The following KREMEN1 variants were observed in gnomAD, a reference collection of about 807,000 sequenced individuals.
KREMEN1 encodes kremen protein 1.
KREMEN1 carries 30 observed loss-of-function variants against 46.5 expected under a neutral mutation model. That is an observed-to-expected ratio of 0.65 (90% CI 0.48 to 0.88). The LOEUF is 0.88. KREMEN1 is among the 40% of genes least tolerant of loss of function. The probability of loss-of-function intolerance (pLI) is 0.00; values close to 1 mark genes in which losing one functional copy is unlikely to be tolerated. For synonymous variants in KREMEN1, 214 were observed against 230.6 expected (o/e 0.93, Z 0.65); for missense variants, 533 against 596.9 (o/e 0.89, Z 1.11).
At chr22:29,156,555 CCGCACAGGAA>C (rs2038963702) in intron 9 of KREMEN1, among the ~76,000 whole-genome samples, 2 of 1,356 alleles carry the variant, frequency 1.5e-3, no homozygotes, top group East Asian at 0.1. Flanking sequence ...GGAATGCTCT[CCGCACAGGAA>C]TGCTCTCCGC....
downstream of KREMEN1, among the ~76,000 whole-genome samples, chr22:29,150,731 G>A (rs1293893288): frequency 6.6e-6 from 1 of 152,210 alleles, no homozygotes; most frequent in Non-Finnish European, 1.5e-5. Flanking sequence ...TGAGTGAGCT[G>A]AGGAAAGCAC....
At chr22:29,109,199 TG>T (rs1274592742) in intron 3 of KREMEN1, among the ~76,000 whole-genome samples, 1 of 152,206 alleles carries the variant, frequency 6.6e-6, no homozygotes. Flanking sequence ...CTGAACCAAA[TG>T]GATATCAGTT....
intron 1 of KREMEN1, among the ~76,000 whole-genome samples, chr22:29,089,637 C>G (rs2037778843): frequency 6.6e-6 from 1 of 152,170 alleles, no homozygotes; most frequent in South Asian, 2.1e-4. Flanking sequence ...TGTCATTCCC[C>G]TGCTCTAAAC....
chr22:29,114,539 T>C (rs1394457149), intron 3 of KREMEN1, among the ~76,000 whole-genome samples: 1 of 144,842 alleles, frequency 6.9e-6, no homozygotes, highest in Non-Finnish European at 1.5e-5. Context: ...TACATCTCCC[T>C]CTGCCATGTG....
chr22:29,112,613 GTAAT>G (rs2038170375), intron 3 of KREMEN1, among the ~76,000 whole-genome samples: 1 of 152,090 alleles, frequency 6.6e-6, no homozygotes, highest in South Asian at 2.1e-4. Flanking sequence ...CTGAATATTT[GTAAT>G]TAATTTTCAC....
intron 3 of KREMEN1, among the ~76,000 whole-genome samples, chr22:29,109,454 G>T (rs1442155499): frequency 1.3e-5 from 2 of 152,216 alleles, no homozygotes; most frequent in Non-Finnish European, 2.9e-5. Flanking sequence ...GAGGTAGAGT[G>T]TTGTGAGTTT....
intron 3 of KREMEN1, among the ~76,000 whole-genome samples, chr22:29,117,170 CGCACAT>C (rs2038253582): frequency 1.3e-5 from 2 of 152,076 alleles, no homozygotes; most frequent in South Asian, 4.2e-4. Flanking sequence ...TGTGTACATG[CGCACAT>C]ACACATGAAT....
At chr22:29,165,494 C>T (rs1350299097) in intron 9 of KREMEN1, among the ~76,000 whole-genome samples, 3 of 152,130 alleles carry the variant, frequency 2.0e-5, no homozygotes, top group African/African-American at 2.4e-5. Flanking sequence ...GGGAGGTGAC[C>T]GTACCAGGGC....
intron 9 of KREMEN1, among the ~76,000 whole-genome samples, chr22:29,157,911 GCCT>G (rs2038977582): frequency 6.6e-6 from 1 of 152,192 alleles, no homozygotes; most frequent in African/African-American, 2.4e-5. Flanking sequence ...GAGGGACATG[GCCT>G]AGGAGTCCTG....
chr22:29,087,809 C>T (rs1372179915), intron 1 of KREMEN1, among the ~76,000 whole-genome samples: 2 of 152,176 alleles, frequency 1.3e-5, no homozygotes, highest in Non-Finnish European at 2.9e-5. Context: ...AGGTGATCCG[C>T]ACACCTTGGC....
chr22:29,091,037 G>A (rs960161162), intron 1 of KREMEN1, among the ~76,000 whole-genome samples: 3 of 152,178 alleles, frequency 2.0e-5, no homozygotes, highest in Non-Finnish European at 4.4e-5. Context: ...GCAAAGGCAC[G>A]ATCTCGGCTC....
Position 29,137,490 on chromosome 22 carries a change from A to G in KREMEN1, c.780A>G (p.Leu260=), listed in dbSNP as rs1178463622. 7.5e-6 allele frequency: 12 copies of G among 1,609,376 alleles called. No homozygotes were observed. The highest frequency in any genetic ancestry group is 1.1e-5 in the South Asian group (1 of 90,952). ...GASHIHFSFP[L]FDIRDSADMV... Reference sequence around the variant, plus strand: ...CCCACATCCACTTCAGCTTCCCCCTATTTGACATCAGGGACTCGGCGGACA... The same window carrying G: ...CCCACATCCACTTCAGCTTCCCCCTGTTTGACATCAGGGACTCGGCGGACA... Residue 260 remains leucine, a synonymous_variant, in exon 6 of 9, where the codon CTA becomes CTG. Transcript: ENST00000400335.
At chr22:29,083,054 G>T (rs2037680124) in intron 1 of KREMEN1, among the ~76,000 whole-genome samples, 1 of 152,104 alleles carries the variant, frequency 6.6e-6, no homozygotes, top group Non-Finnish European at 1.5e-5. Context: ...GGAGGTACCT[G>T]CCGCCACGCC....
At chr22:29,087,043 A>G (rs2037741281) in intron 1 of KREMEN1, among the ~76,000 whole-genome samples, 1 of 152,212 alleles carries the variant, frequency 6.6e-6, no homozygotes, top group African/African-American at 2.4e-5. Flanking sequence ...GATTACAGGC[A>G]TGAGCCATAC....
At chr22:29,148,058 G>A (rs114822317), downstream of KREMEN1, among the ~76,000 whole-genome samples, 395 of 152,294 alleles carry the variant, frequency 2.6e-3, 1 homozygote, top group African/African-American at 8.6e-3. Context: ...ATGGTGCTCC[G>A]GTACCTGACA....
At position 29,137,666 on chromosome 22, in the gene KREMEN1, T is replaced by C. The variant is rs2038691552; in HGVS notation, c.956T>C (p.Leu319Ser). The C allele has an allele frequency of 2.5e-6, 4 of 1,588,610 alleles. No individual in the cohort carries two copies. The highest frequency in any genetic ancestry group is 3.5e-6 in the Non-Finnish European group (4 of 1,159,320). Residue 319 changes from leucine (L) to serine (S), a missense_variant, in exon 6 of 9, where the codon TTA (leucine) becomes TCA (serine). By Grantham distance (145) the Leu-to-Ser change is moderately radical. Transcript: ENST00000400335. The stretch of plus-strand genomic sequence containing the variant: ...AATCAGGCCCAGGGATTTGCTGTTT[T>C]ATACCAAGGTAAGACATCTTTGCCT... ...RINQAQGFAV[L>S]YQAVKEELPQ...
At chr22:29,130,782 C>T (rs1450908015) in intron 5 of KREMEN1, among the ~76,000 whole-genome samples, 1 of 152,224 alleles carries the variant, frequency 6.6e-6, no homozygotes, top group African/African-American at 2.4e-5. Context: ...AGGACACCGG[C>T]CCCCTGCCAT....
At chr22:29,107,967 T>C (rs134678) in intron 3 of KREMEN1, among the ~76,000 whole-genome samples, 81,265 of 152,076 alleles carry the variant, frequency 0.53, 22,339 homozygotes, top group Middle Eastern at 0.65. Flanking sequence ...CCTAGCACAG[T>C]GGAGAGTGTA....
intron 7 of KREMEN1, among the ~76,000 whole-genome samples, chr22:29,140,055 C>T (rs895270660): frequency 2.0e-5 from 3 of 152,150 alleles, no homozygotes; most frequent in Non-Finnish European, 2.9e-5. Flanking sequence ...ATCCTGTCTG[C>T]CTCTCCCTGA....
Sources: allele counts gnomAD v4.1 joint callset (sites outside exome capture counted in the v4.1 genomes callset), GRCh38; gene constraint gnomAD v4.1.1; transcripts MANE v1.5; gene names NCBI Gene and HGNC (gene_info 2026-07-23, HGNC 2026-07-21).